Variants in ROBO2 observed in about 807,000 individuals in gnomAD.
ROBO2 encodes roundabout homolog 2.
ROBO2 carries 53 observed loss-of-function variants against 160.8 expected under a neutral mutation model. The observed-to-expected ratio is 0.33, with a 90% CI of 0.26 to 0.41. ROBO2 has a LOEUF of 0.41. Among genes scored for constraint, ROBO2 ranks in the 10% least tolerant of loss-of-function variants. The pLI is 1.00. For missense variants in ROBO2, 1,577 were observed against 1,722.4 expected (o/e 0.92, Z 1.49); for synonymous variants, 664 against 611.7 (o/e 1.09, Z -1.26).
intron 2 of ROBO2, among the ~76,000 whole-genome samples, chr3:77,394,375 T>TGGAATATATTAA (rs1480311404): frequency 6.6e-6 from 1 of 151,992 alleles, no homozygotes; most frequent in Admixed American, 6.6e-5. Context: ...AAACTCTCAG[T>TGGAATATATTAA]GGAATATATT....
intron 6 of ROBO2, among the ~76,000 whole-genome samples, chr3:77,539,633 T>C (rs985532614): frequency 6.6e-6 from 1 of 152,194 alleles, no homozygotes; most frequent in Non-Finnish European, 1.5e-5. Context: ...TTTTAAAATG[T>C]ACTATTCCGA....
At chr3:77,422,265 T>A (rs2077780408) in intron 2 of ROBO2, among the ~76,000 whole-genome samples, 1 of 152,228 alleles carries the variant, frequency 6.6e-6, no homozygotes, top group African/African-American at 2.4e-5. Context: ...TGACATTTTA[T>A]GCCTTTCATT....
At chr3:77,132,580 AC>A (rs1461823016) in intron 2 of ROBO2, among the ~76,000 whole-genome samples, 2 of 152,262 alleles carry the variant, frequency 1.3e-5, no homozygotes, top group Admixed American at 6.5e-5. Flanking sequence ...TGTCTCTATA[AC>A]ATTAGATGAA....
Position 76,916,095 on chromosome 3 carries a change from G to C in ROBO2, c.110-181919G>C, listed in dbSNP as rs536490502. 3.7e-4 allele frequency among the ~76,000 whole-genome samples: 56 copies of C among 152,238 alleles called. 1 individual carries two copies. The highest frequency in any genetic ancestry group is 1.3e-3 in the African/African-American group (56 of 41,540). ...GTTAGGGTTTCAATATATGAATTTG[G>C]GGGCTGGGGGGACGCAGTCCAAATC... is the stretch of plus-strand genomic sequence containing the variant. On this transcript the variant is annotated intron_variant, in intron 2 of 26. Transcript: ENST00000487694.
chr3:76,436,009 T>A (rs2076658925), intron 2 of ROBO2, among the ~76,000 whole-genome samples: 1 of 152,096 alleles, frequency 6.6e-6, no homozygotes, highest in South Asian at 2.1e-4. Flanking sequence ...CTATCCTGGT[T>A]CTGCCTCAAC....
intron 2 of ROBO2, among the ~76,000 whole-genome samples, chr3:77,347,052 C>G (rs141517008): frequency 2.0e-5 from 3 of 152,100 alleles, no homozygotes; most frequent in East Asian, 3.9e-4. Flanking sequence ...CCAGCGATAT[C>G]TTTGGAATTC....
intron 2 of ROBO2, among the ~76,000 whole-genome samples, chr3:75,952,616 G>T (rs533060521): frequency 6.6e-6 from 1 of 152,000 alleles, no homozygotes; most frequent in African/African-American, 2.4e-5. Context: ...TATAGTTGAT[G>T]AGTCAATATT....
At chr3:77,272,635 A>G (rs758217917) in intron 2 of ROBO2, among the ~76,000 whole-genome samples, 1 of 152,154 alleles carries the variant, frequency 6.6e-6, no homozygotes, top group Non-Finnish European at 1.5e-5. Flanking sequence ...AGGATGGGGA[A>G]AGATTTATAA....
At chr3:77,406,263 G>A (rs898768205) in intron 2 of ROBO2, among the ~76,000 whole-genome samples, 3 of 152,132 alleles carry the variant, frequency 2.0e-5, no homozygotes, top group Non-Finnish European at 4.4e-5. Flanking sequence ...CCCATAATCC[G>A]GTCACCTCCC....
intron 2 of ROBO2, among the ~76,000 whole-genome samples, chr3:76,194,081 T>C (rs2107198491): frequency 6.6e-6 from 1 of 152,088 alleles, no homozygotes. Flanking sequence ...TTTCCTAAGA[T>C]AATTATTATT....
chr3:76,955,888 C>A (rs76866379), intron 2 of ROBO2, among the ~76,000 whole-genome samples: 92 of 123,952 alleles, frequency 7.4e-4, no homozygotes, highest in Admixed American at 9.9e-4. Context: ...GAGACTCCGT[C>A]AAAAAAAAAA....
chr3:77,366,895 C>T (rs1237084784), intron 2 of ROBO2, among the ~76,000 whole-genome samples: 1 of 116,584 alleles, frequency 8.6e-6, no homozygotes, highest in African/African-American at 2.7e-5. Flanking sequence ...CTCACAGCAC[C>T]CCCCCGACAC....
chr3:76,849,811 T>C (rs1380572073), intron 2 of ROBO2, among the ~76,000 whole-genome samples: 2 of 152,190 alleles, frequency 1.3e-5, no homozygotes, highest in African/African-American at 4.8e-5. Context: ...TTCCTTACTC[T>C]GCCATCTTGA....
intron 1 of ROBO2, among the ~76,000 whole-genome samples, chr3:77,086,620 G>A (rs2069354553): frequency 6.6e-6 from 1 of 152,042 alleles, no homozygotes; most frequent in African/African-American, 2.4e-5. Context: ...TACAAATAAT[G>A]GAGTAATGCA....
chr3:77,328,541 G>C (rs2065666649), intron 2 of ROBO2, among the ~76,000 whole-genome samples: 1 of 152,100 alleles, frequency 6.6e-6, no homozygotes, highest in Non-Finnish European at 1.5e-5. Context: ...TATGCTGTTT[G>C]CTATGCTATT....
intron 1 of ROBO2, among the ~76,000 whole-genome samples, chr3:77,049,119 A>C (rs2064973478): frequency 6.6e-6 from 1 of 152,134 alleles, no homozygotes; most frequent in East Asian, 1.9e-4. Flanking sequence ...GCTTGAGCCT[A>C]GGTGTTTGAG....
At chr3:77,141,349 G>A (rs757626078) in intron 2 of ROBO2, among the ~76,000 whole-genome samples, 12 of 151,276 alleles carry the variant, frequency 7.9e-5, no homozygotes, top group Non-Finnish European at 1.5e-4. Flanking sequence ...ATCCTTGGAC[G>A]TATATCTGTT....
chr3:77,424,370 A>G (rs1404798960), intron 2 of ROBO2, among the ~76,000 whole-genome samples: 2 of 152,172 alleles, frequency 1.3e-5, no homozygotes, highest in Non-Finnish European at 2.9e-5. Context: ...ATGTTAATCA[A>G]TGATTGTTCT....
At position 76,069,033 on chromosome 3, in the gene ROBO2, A is replaced by G. The variant is rs192319190; in HGVS notation, c.109+131431A>G. Among the ~76,000 whole-genome samples the G allele has an allele frequency of 8.7e-3, 1,070 of 122,876 alleles. 65 individuals carry two copies. The East Asian group carries it at 0.17, about 20-fold the overall frequency. 80.6% of individuals were successfully genotyped at this position (122,876 alleles called of 152,430 possible). A position where few individuals can be genotyped will look rare whatever the true frequency, so the allele number is the denominator to read the frequency against. On this transcript the variant is annotated intron_variant, in intron 2 of 26. Coordinates refer to the ROBO2 transcript ENST00000487694. ...GATGATTCTGGCATTTATTTCCTCTATTTAAATGCATTTTCTTTTTATCTC... is the reference window on the plus strand; with the variant it reads ...GATGATTCTGGCATTTATTTCCTCTGTTTAAATGCATTTTCTTTTTATCTC...
Sources: gnomAD v4.1 joint callset for allele counts (sites outside exome capture counted in the v4.1 genomes callset) on GRCh38, gnomAD v4.1.1 for gene constraint, MANE v1.5 for transcripts, NCBI Gene and HGNC (gene_info 2026-07-23, HGNC 2026-07-21) for gene names.